The following IL1RAPL2 variants were observed in gnomAD, a reference collection of about 807,000 sequenced individuals.
IL1RAPL2 encodes X-linked interleukin-1 receptor accessory protein-like 2.
A neutral mutation model predicts 44.1 loss-of-function variants in IL1RAPL2; 3 were observed. The ratio of observed to expected loss-of-function variants is 0.07; its 90% confidence interval spans 0.03 to 0.18. The LOEUF (loss-of-function observed/expected upper bound fraction) is 0.18, where lower values mean the gene tolerates loss of function less well. IL1RAPL2 is among the 10% of genes least tolerant of loss of function. The pLI is 1.00. For missense variants in IL1RAPL2, 391 were observed against 496.4 expected (o/e 0.79, Z 2.02); for synonymous variants, 181 against 178.8 (o/e 1.01, Z -0.10).
intron 2 of IL1RAPL2, among the ~76,000 whole-genome samples, chrX:104,749,449 TG>T (rs1003858427): frequency 2.7e-5 from 3 of 111,340 alleles, no homozygotes; most frequent in African/African-American, 9.8e-5. Flanking sequence ...AATGAGAAGA[TG>T]GTGAATAGAG....
intron 5 of IL1RAPL2, among the ~76,000 whole-genome samples, chrX:105,330,921 G>T (rs984072462): frequency 1.8e-5 from 2 of 111,216 alleles, no homozygotes. Flanking sequence ...ATACAAATCT[G>T]ATCACGCCTA....
chrX:105,237,151 C>A (rs913096170), intron 4 of IL1RAPL2, among the ~76,000 whole-genome samples: 1 of 111,865 alleles, frequency 8.9e-6, no homozygotes, highest in African/African-American at 3.3e-5. Context: ...CCAGCTTCAT[C>A]CATGTCCCTA....
At chrX:105,696,233 G>A (rs1034432498) in intron 6 of IL1RAPL2, among the ~76,000 whole-genome samples, 2 of 111,974 alleles carry the variant, frequency 1.8e-5, no homozygotes, top group Admixed American at 9.5e-5. Flanking sequence ...TATCAAATTG[G>A]TCATTTTAAA....
chrX:104,949,594 A>G (rs748923936), intron 2 of IL1RAPL2, among the ~76,000 whole-genome samples: 1,189 of 106,445 alleles, frequency 0.011, 16 homozygotes, highest in Non-Finnish European at 0.019. Flanking sequence ...CTTTGAATGC[A>G]TCCCAGAGAT....
intron 8 of IL1RAPL2, among the ~76,000 whole-genome samples, chrX:105,747,383 CT>C (rs1437422022): frequency 9.5e-6 from 1 of 105,521 alleles, no homozygotes; most frequent in Non-Finnish European, 1.9e-5. Context: ...TCTCTCCATA[CT>C]CAAAAAGAGT....
At chrX:105,016,041 T>G (rs1011765193) in intron 2 of IL1RAPL2, among the ~76,000 whole-genome samples, 3 of 111,475 alleles carry the variant, frequency 2.7e-5, no homozygotes, top group African/African-American at 9.8e-5. Context: ...CCCTTGTAAG[T>G]TGGATTCCTA....
chrX:104,619,610 G>T (rs948672888), intron 1 of IL1RAPL2, among the ~76,000 whole-genome samples: 2 of 111,943 alleles, frequency 1.8e-5, no homozygotes, highest in Non-Finnish European at 3.8e-5. Context: ...GCACTGTCTT[G>T]CTACTTCCGA....
intron 2 of IL1RAPL2, among the ~76,000 whole-genome samples, chrX:104,883,109 C>A (rs1371251885): frequency 9.0e-6 from 1 of 111,565 alleles, no homozygotes; most frequent in Non-Finnish European, 1.9e-5. Flanking sequence ...TCAGCGAGAC[C>A]AAGAACCCAC....
intron 2 of IL1RAPL2, among the ~76,000 whole-genome samples, chrX:105,165,702 G>T (rs893243270): frequency 1.8e-5 from 2 of 111,900 alleles, no homozygotes; most frequent in African/African-American, 6.5e-5. Flanking sequence ...ATATGCTCTA[G>T]CCATATGGAA....
At chrX:104,919,229 T>TGC (rs2147690180) in intron 2 of IL1RAPL2, among the ~76,000 whole-genome samples, 3 of 103,416 alleles carry the variant, frequency 2.9e-5, no homozygotes, top group South Asian at 8.4e-4. Context: ...TCTTTCTTTT[T>TGC]TTTTTTTTTT....
At chrX:104,851,662 C>G (rs1256429353) in intron 2 of IL1RAPL2, among the ~76,000 whole-genome samples, 1 of 111,583 alleles carries the variant, frequency 9.0e-6, no homozygotes, top group African/African-American at 3.3e-5. Context: ...TCATTTTGAA[C>G]TCATTTCTAA....
chrX:105,510,008 CA>C (rs201906962), intron 6 of IL1RAPL2, among the ~76,000 whole-genome samples: 7 of 106,674 alleles, frequency 6.6e-5, no homozygotes, highest in South Asian at 8.2e-4. Context: ...CCTATCTCTA[CA>C]AAAAAAAATA....
Position 104,690,030 on chromosome X carries a change from T to C in IL1RAPL2, c.82+31035T>C, listed in dbSNP as rs762081419. Reference sequence around the variant, plus strand: ...TGGTTGGTATGCTTGGCTCCAACTCTGGAGAATAAATTTGCCTGATAAAAT... The same window carrying C: ...TGGTTGGTATGCTTGGCTCCAACTCCGGAGAATAAATTTGCCTGATAAAAT... On this transcript the variant is annotated intron_variant, in intron 2 of 10. Transcript: ENST00000372582. Among the ~76,000 whole-genome samples the C allele has an allele frequency of 5.4e-5, 6 of 112,147 alleles. No individual in the cohort carries two copies. The South Asian group carries it at 1.9e-3, about 35-fold the overall frequency.
rs1179001645 is a variant in IL1RAPL2 at position 104,574,838 on chromosome X, C to T, written c.-20+7787C>T. 4.5e-5 allele frequency among the ~76,000 whole-genome samples: 5 copies of T among 112,025 alleles called. No homozygotes were observed. The East Asian group carries it at 1.4e-3, about 31-fold the overall frequency. On this transcript the variant is annotated intron_variant, in intron 1 of 10. Transcript: ENST00000372582. Reference sequence around the variant, plus strand: ...TTTCACTTGTTTATGTATTTGTGTACATCTATGTGTGCATATAAGCATATG... The same window carrying T: ...TTTCACTTGTTTATGTATTTGTGTATATCTATGTGTGCATATAAGCATATG...
chrX:105,486,532 C>A (rs1368604661), intron 6 of IL1RAPL2, among the ~76,000 whole-genome samples: 13 of 110,348 alleles, frequency 1.2e-4, no homozygotes, highest in Non-Finnish European at 9.5e-5. Flanking sequence ...ATGCTGATAC[C>A]CTTACTGACT....
At chrX:105,195,896 T>C in intron 3 of IL1RAPL2, 148 bp downstream of exon 3, 1 of 530,148 alleles carries the variant, frequency 1.9e-6, no homozygotes, top group Admixed American at 3.4e-5. Flanking sequence ...ATTCCAGTTC[T>C]AATTATCTAT....
chrX:105,114,453 T>G (rs1218560621), intron 2 of IL1RAPL2, among the ~76,000 whole-genome samples: 5 of 112,278 alleles, frequency 4.5e-5, no homozygotes, highest in African/African-American at 1.6e-4. Context: ...CCTTTGCATA[T>G]TCTGAGTTAG....
chrX:104,888,028 G>T (rs1923301554), intron 2 of IL1RAPL2, among the ~76,000 whole-genome samples: 1 of 111,432 alleles, frequency 9.0e-6, no homozygotes, highest in Non-Finnish European at 1.9e-5. Flanking sequence ...TGGAAATAAA[G>T]GGAGTTCCTA....
rs1489384743 is a variant in IL1RAPL2 at position 105,042,474 on chromosome X, A to T, written c.83-153001A>T. Among the ~76,000 whole-genome samples the T allele has an allele frequency of 2.7e-5, 3 of 109,306 alleles. No individual in the cohort carries two copies. In the East Asian group the frequency reaches 8.7e-4, roughly 32 times the overall value. 94.9% of individuals were successfully genotyped at this position (109,306 alleles called of 115,157 possible). Reference sequence around the variant, plus strand: ...TTTATGCAGCCAAAAGACACATGAAAAAATGCTCATCACCACTGGCCATCA... The same window carrying T: ...TTTATGCAGCCAAAAGACACATGAATAAATGCTCATCACCACTGGCCATCA... On this transcript the variant is annotated intron_variant, in intron 2 of 10. Transcript: ENST00000372582.
Sources: allele counts gnomAD v4.1 joint callset (sites outside exome capture counted in the v4.1 genomes callset), GRCh38; gene constraint gnomAD v4.1.1; transcripts MANE v1.5; gene names NCBI Gene and HGNC (gene_info 2026-07-23, HGNC 2026-07-21).